SAMD8: variants seen among roughly 807,000 people sequenced by gnomAD.
The protein encoded by SAMD8 is sphingomyelin synthase-related protein 1.
A neutral mutation model predicts 42.0 loss-of-function variants in SAMD8; 20 were observed. The observed-to-expected ratio is 0.48, with a 90% CI of 0.34 to 0.69. The LOEUF (loss-of-function observed/expected upper bound fraction) is 0.69. Among genes scored for constraint, SAMD8 ranks in the 30% least tolerant of loss-of-function variants. The pLI is 0.01. For missense variants in SAMD8, 328 were observed against 511.6 expected (o/e 0.64, Z 3.46); for synonymous variants, 162 against 173.0 (o/e 0.94, Z 0.50).
intron 1 of SAMD8, among the ~76,000 whole-genome samples, chr10:75,147,329 A>AT (rs576320629): frequency 2.2e-4 from 33 of 151,484 alleles, no homozygotes; most frequent in East Asian, 9.7e-4. Context: ...TTTTTTATTT[A>AT]TTTTTTTTTA....
intron 2 of SAMD8, among the ~76,000 whole-genome samples, chr10:75,155,763 G>A (rs1840397953): frequency 6.6e-6 from 1 of 152,182 alleles, no homozygotes; most frequent in African/African-American, 2.4e-5. Context: ...TTACCCATGG[G>A]AAGCTGGTTG....
chr10:75,142,557 C>T (rs1485375214), intron 1 of SAMD8, among the ~76,000 whole-genome samples: 2 of 152,114 alleles, frequency 1.3e-5, no homozygotes, highest in Non-Finnish European at 2.9e-5. Context: ...CTGCCTCAGC[C>T]TCCTGAGTAG....
intron 1 of SAMD8, among the ~76,000 whole-genome samples, chr10:75,121,544 G>A (rs1849005348): frequency 6.6e-6 from 1 of 152,164 alleles, no homozygotes; most frequent in Admixed American, 6.5e-5. Context: ...TAAAGGTTAA[G>A]CTGTTTCCAA....
chr10:75,143,932 G>A lies in SAMD8; in HGVS notation c.-15-6582G>A, dbSNP rs533695472. ...CTTTCTTTGGTGTGTTTGTGTGTGT[G>A]GTAAAATATATACAACCAAATTTAT... On this transcript the variant is annotated intron_variant, in intron 1 of 5. Transcript: ENST00000542569. Among the ~76,000 whole-genome samples the A allele has an allele frequency of 1.6e-4, 24 of 150,248 alleles. 1 individual carries two copies. The South Asian group carries it at 4.8e-3, about 30-fold the overall frequency.
At chr10:75,163,934 A>G (rs1840617123) in intron 2 of SAMD8, among the ~76,000 whole-genome samples, 1 of 152,136 alleles carries the variant, frequency 6.6e-6, no homozygotes, top group South Asian at 2.1e-4. Context: ...AACAAAAACA[A>G]GGGGCCAGGC....
Position 75,176,029 on chromosome 10 carries a change from A to C in SAMD8, c.793-37A>C, listed in dbSNP as rs1412181390. On this transcript the variant is annotated intron_variant, in intron 4 of 5. Transcript: ENST00000542569. The surrounding 1 kb of genome is among the most constrained non-coding windows in gnomAD (Gnocchi z 4.3). ...ATGTTGGGAAGTTCCCACCTCCCTAAGCATTTGAAGCACTAATTCATAACT... is the reference window on the plus strand; with the variant it reads ...ATGTTGGGAAGTTCCCACCTCCCTACGCATTTGAAGCACTAATTCATAACT... The C allele has an allele frequency of 6.3e-7, 1 of 1,590,526 alleles. No individual in the cohort carries two copies. Among genetic ancestry groups the C allele is most frequent in the Non-Finnish European group, 8.6e-7 (1 of 1,168,276 alleles).
chr10:75,166,013 T>C (rs7899946), intron 3 of SAMD8, among the ~76,000 whole-genome samples: 82,875 of 150,454 alleles, frequency 0.55, 24,623 homozygotes, highest in East Asian at 0.9. Flanking sequence ...GATTATTTTG[T>C]ACAACATGTA....
intron 2 of SAMD8, among the ~76,000 whole-genome samples, chr10:75,158,376 G>A (rs1840470743): frequency 6.6e-6 from 1 of 152,136 alleles, no homozygotes; most frequent in Non-Finnish European, 1.5e-5. Context: ...TGGATCACCT[G>A]AGGTCAGGAA....
intron 1 of SAMD8, among the ~76,000 whole-genome samples, chr10:75,142,677 C>T (rs573748794): frequency 2.6e-5 from 4 of 152,098 alleles, no homozygotes; most frequent in South Asian, 4.2e-4. Context: ...CCATGTGATC[C>T]GCCCGCCTCG....
At chr10:75,120,553 G>A (rs1327756157) in intron 1 of SAMD8, among the ~76,000 whole-genome samples, 4 of 152,170 alleles carry the variant, frequency 2.6e-5, no homozygotes, top group African/African-American at 9.7e-5. Flanking sequence ...ACAGGCGTGA[G>A]CCACCGCGCC....
intron 2 of SAMD8, among the ~76,000 whole-genome samples, chr10:75,156,279 C>G (rs1326450440): frequency 6.6e-6 from 1 of 152,088 alleles, no homozygotes; most frequent in East Asian, 1.9e-4. Context: ...TAGACCAGGG[C>G]TGAGACCAAG....
intron 2 of SAMD8, among the ~76,000 whole-genome samples, chr10:75,156,149 G>A (rs1840405678): frequency 6.6e-6 from 1 of 152,210 alleles, no homozygotes; most frequent in Non-Finnish European, 1.5e-5. Context: ...GATCAAGGCT[G>A]TAGTGAGCTG....
At chr10:75,157,949 C>T (rs1360615905) in intron 2 of SAMD8, among the ~76,000 whole-genome samples, 2 of 151,860 alleles carry the variant, frequency 1.3e-5, no homozygotes, top group Non-Finnish European at 2.9e-5. Flanking sequence ...CACCTGAGGT[C>T]GGGAGTTCAA....
chr10:75,126,197 A>G (rs1849128019), intron 1 of SAMD8, among the ~76,000 whole-genome samples: 1 of 152,220 alleles, frequency 6.6e-6, no homozygotes, highest in African/African-American at 2.4e-5. Context: ...TTAGCTCAAA[A>G]GTCACTTCCA....
intron 1 of SAMD8, among the ~76,000 whole-genome samples, chr10:75,136,841 A>G (rs143769733): frequency 1.7e-3 from 266 of 152,372 alleles, no homozygotes; most frequent in African/African-American, 6.1e-3. Flanking sequence ...ATGGCTAATC[A>G]TTACTGAAAT....
At chr10:75,158,413 G>A (rs1368373522) in intron 2 of SAMD8, among the ~76,000 whole-genome samples, 4 of 151,920 alleles carry the variant, frequency 2.6e-5, no homozygotes, top group South Asian at 2.1e-4. Flanking sequence ...CCAACATGGC[G>A]AAACCCTGTC....
intron 1 of SAMD8, among the ~76,000 whole-genome samples, chr10:75,127,935 C>T (rs1477005714): frequency 6.6e-6 from 1 of 152,144 alleles, no homozygotes; most frequent in Non-Finnish European, 1.5e-5. Context: ...GTTAACTCTT[C>T]CTAGGTGATA....
At position 75,104,217 on chromosome 10, in the gene SAMD8, A is replaced by G. The variant is rs948561173; in HGVS notation, c.-16+4489A>G. 3.3e-5 allele frequency: 20 copies of G among 610,818 alleles called. No individual in the cohort carries two copies. In the Admixed American group the frequency reaches 3.8e-4, roughly 12 times the overall value. The allele number at this position is 610,818 out of a possible 1,614,324, so 37.8% of individuals were successfully genotyped here. On this transcript the variant is annotated intron_variant, in intron 1 of 3. Transcript: ENST00000447533. ...CCTGCTTCTGCCTTGAGCCCTGTGC[A>G]TAAGGTCAAGTGAGTGCAGCTGCTG...
intron 2 of SAMD8, among the ~76,000 whole-genome samples, chr10:75,160,704 G>A (rs984715042): frequency 2.0e-5 from 3 of 152,144 alleles, no homozygotes; most frequent in African/African-American, 7.2e-5. Flanking sequence ...AGTTTGGAAA[G>A]TAGAACGCTA....
Sources: allele counts gnomAD v4.1 joint callset (sites outside exome capture counted in the v4.1 genomes callset), GRCh38; gene constraint gnomAD v4.1.1; non-coding constraint Gnocchi (gnomAD v3.1); transcripts MANE v1.5; gene names NCBI Gene and HGNC (gene_info 2026-07-23, HGNC 2026-07-21).